The following GRM7 variants were observed in gnomAD, a reference collection of about 807,000 sequenced individuals.
GRM7 encodes the protein metabotropic glutamate receptor 7.
A neutral mutation model predicts 84.5 loss-of-function variants in GRM7; 35 were observed. The ratio of observed to expected loss-of-function variants is 0.41; its 90% confidence interval spans 0.32 to 0.55. GRM7 has a LOEUF of 0.55. Ranked by LOEUF, GRM7 falls within the 20% of genes least tolerant of loss-of-function variation. The pLI, the probability that GRM7 is intolerant of heterozygous loss-of-function variation, is 0.19. For missense variants in GRM7, 1,003 were observed against 1,194.6 expected (o/e 0.84, Z 2.36); for synonymous variants, 487 against 455.1 (o/e 1.07, Z -0.89).
intron 1 of GRM7, among the ~76,000 whole-genome samples, chr3:6,980,135 C>T (rs940675616): frequency 6.6e-6 from 1 of 151,940 alleles, no homozygotes; most frequent in African/African-American, 2.4e-5. Context: ...TTCTGCCTTC[C>T]ATTCTTTCAT....
intron 7 of GRM7, among the ~76,000 whole-genome samples, chr3:7,483,804 A>C (rs368320278): frequency 6.6e-6 from 1 of 152,012 alleles, no homozygotes; most frequent in South Asian, 2.1e-4. Flanking sequence ...TATGTTATAT[A>C]TATTGTTATA....
intron 2 of GRM7, among the ~76,000 whole-genome samples, chr3:7,221,837 T>TA (rs1696814413): frequency 6.9e-6 from 1 of 144,868 alleles, no homozygotes; most frequent in South Asian, 2.3e-4. Context: ...GATGGAGTCT[T>TA]ACTCTGTCGC....
At chr3:6,910,048 G>A (rs910250690) in intron 1 of GRM7, among the ~76,000 whole-genome samples, 3 of 152,030 alleles carry the variant, frequency 2.0e-5, no homozygotes, top group Non-Finnish European at 1.5e-5. Flanking sequence ...CATGATGTCA[G>A]CTTCCTCATT....
At chr3:7,060,056 T>G (rs968788347) in intron 1 of GRM7, among the ~76,000 whole-genome samples, 2 of 151,828 alleles carry the variant, frequency 1.3e-5, no homozygotes, top group African/African-American at 4.8e-5. Flanking sequence ...TGATTTGGGC[T>G]GGAGTACAGA....
At position 7,014,288 on chromosome 3, in the gene GRM7, T is replaced by C. The variant is rs17046537; in HGVS notation, c.520-132164T>C. 9.7e-4 allele frequency among the ~76,000 whole-genome samples: 148 copies of C among 152,334 alleles called. 1 individual carries two copies. The highest frequency in any genetic ancestry group is 3.2e-3 in the African/African-American group (134 of 41,580). ...AGGGAGTAGGCAAAGTGTGACTCAG[T>C]GGGATTAAATCAGCAAAATTAGTAA... On this transcript the variant is annotated intron_variant, in intron 1 of 9. Transcript: ENST00000357716.
At chr3:7,075,378 C>G (rs1165565730) in intron 1 of GRM7, among the ~76,000 whole-genome samples, 2 of 152,130 alleles carry the variant, frequency 1.3e-5, no homozygotes, top group East Asian at 3.9e-4. Flanking sequence ...TCTCTGGAAC[C>G]TTTCTTCCTT....
intron 1 of GRM7, among the ~76,000 whole-genome samples, chr3:6,938,091 A>AATGAAGTT (rs1697752776): frequency 6.6e-6 from 1 of 152,206 alleles, no homozygotes; most frequent in African/African-American, 2.4e-5. Context: ...CAGCCTGAGC[A>AATGAAGTT]CCTTCATTCA....
intron 1 of GRM7, among the ~76,000 whole-genome samples, chr3:7,046,186 G>C (rs761201109): frequency 6.6e-6 from 1 of 152,054 alleles, no homozygotes; most frequent in Non-Finnish European, 1.5e-5. Context: ...TGTTCATTCA[G>C]GTTCTGTGTC....
At chr3:7,333,934 A>G (rs1701305910) in intron 4 of GRM7, among the ~76,000 whole-genome samples, 1 of 152,092 alleles carries the variant, frequency 6.6e-6, no homozygotes, top group East Asian at 1.9e-4. Flanking sequence ...GAATTTAAAA[A>G]ATGAACAAAG....
At chr3:7,521,437 G>C (rs1700589297) in intron 7 of GRM7, among the ~76,000 whole-genome samples, 1 of 152,186 alleles carries the variant, frequency 6.6e-6, no homozygotes, top group Admixed American at 6.5e-5. Context: ...AGTGCCCTTA[G>C]AAAAGAGATG....
chr3:7,291,956 T>C (rs2125011943), intron 2 of GRM7, among the ~76,000 whole-genome samples: 1 of 152,236 alleles, frequency 6.6e-6, no homozygotes, highest in East Asian at 1.9e-4. Context: ...GATCTGATGG[T>C]TTTTAAAGGG....
At chr3:6,924,704 A>G (rs1697240645) in intron 1 of GRM7, among the ~76,000 whole-genome samples, 1 of 151,832 alleles carries the variant, frequency 6.6e-6, no homozygotes, top group Non-Finnish European at 1.5e-5. Flanking sequence ...TTTTATAGAT[A>G]TATATAAACA....
At chr3:7,388,882 T>C (rs2125138274) in intron 4 of GRM7, among the ~76,000 whole-genome samples, 1 of 152,236 alleles carries the variant, frequency 6.6e-6, no homozygotes, top group Middle Eastern at 3.4e-3. Context: ...TTCCATTTAG[T>C]TCTCTTCTGA....
chr3:7,278,621 G>A (rs1255500177), intron 2 of GRM7, among the ~76,000 whole-genome samples: 2 of 151,818 alleles, frequency 1.3e-5, no homozygotes, highest in Non-Finnish European at 2.9e-5. Context: ...TTTATACTTG[G>A]TATTTACCTT....
chr3:7,439,534 T>C (rs1575337599), intron 5 of GRM7, among the ~76,000 whole-genome samples: 1 of 152,190 alleles, frequency 6.6e-6, no homozygotes, highest in Non-Finnish European at 1.5e-5. Context: ...TGTGGCAGGC[T>C]AACTTGTGGG....
chr3:6,940,282 G>A (rs935608781), intron 1 of GRM7, among the ~76,000 whole-genome samples: 1 of 151,976 alleles, frequency 6.6e-6, no homozygotes, highest in African/African-American at 2.4e-5. Context: ...AGTAGAGATG[G>A]GGTTTCACCA....
chr3:7,182,595 C>G (rs1378966723), intron 2 of GRM7, among the ~76,000 whole-genome samples: 1 of 152,230 alleles, frequency 6.6e-6, no homozygotes, highest in Non-Finnish European at 1.5e-5. Context: ...CAGAAACCAA[C>G]TCCATCAAAG....
intron 1 of GRM7, among the ~76,000 whole-genome samples, chr3:7,071,679 CTAAG>C (rs2124984435): frequency 6.6e-6 from 1 of 152,180 alleles, no homozygotes; most frequent in Admixed American, 6.6e-5. Context: ...ATTATTTTCA[CTAAG>C]TATGTAAAAC....
At chr3:7,243,104 A>G (rs1697622028) in intron 2 of GRM7, among the ~76,000 whole-genome samples, 1 of 152,138 alleles carries the variant, frequency 6.6e-6, no homozygotes, top group Admixed American at 6.6e-5. Flanking sequence ...CACTGGGCTA[A>G]CATTTTGAGG....
Sources: gnomAD v4.1 joint callset for allele counts (sites outside exome capture counted in the v4.1 genomes callset) on GRCh38, gnomAD v4.1.1 for gene constraint, MANE v1.5 for transcripts, NCBI Gene and HGNC (gene_info 2026-07-23, HGNC 2026-07-21) for gene names.